IGSF10: variants seen among roughly 807,000 people sequenced by gnomAD.
IGSF10 encodes the protein calvaria mechanical force protein 608.
A neutral mutation model predicts 128.2 loss-of-function variants in IGSF10; 126 were observed. The observed-to-expected ratio is 0.98, with a 90% CI of 0.85 to 1.14. IGSF10 has a LOEUF of 1.14. Ranked by LOEUF, IGSF10 falls within the 50% of genes most tolerant of loss-of-function variation. IGSF10 has a pLI of 0.00. For missense variants in IGSF10, 3,295 were observed against 3,149.8 expected, an observed-to-expected ratio of 1.05 and a Z score of -1.10; for synonymous variants, 1,185 against 1,146.2, an observed-to-expected ratio of 1.03 and a Z score of -0.68.
the IGSF10 span, among the ~76,000 whole-genome samples, chr3:151,582,795 G>C: frequency 3.3e-5 from 5 of 152,098 alleles, no homozygotes; most frequent in South Asian, 2.1e-4. Context: ...GTGATAGTGA[G>C]CAACATTTTC....
chr3:151,570,374 C>T, the IGSF10 span, among the ~76,000 whole-genome samples: 5 of 152,210 alleles, frequency 3.3e-5, no homozygotes, highest in South Asian at 1.0e-3. Context: ...GTTCCTATTT[C>T]TCCACATCCC....
the IGSF10 span, among the ~76,000 whole-genome samples, chr3:151,563,539 G>C: frequency 4.6e-5 from 7 of 152,092 alleles, no homozygotes; most frequent in Non-Finnish European, 1.0e-4. Flanking sequence ...CAAGCCATCA[G>C]ATACTCAATT....
the IGSF10 span, among the ~76,000 whole-genome samples, chr3:151,583,310 C>T: frequency 6.6e-6 from 1 of 152,080 alleles, no homozygotes; most frequent in Non-Finnish European, 1.5e-5. Flanking sequence ...TTTCCTCTTT[C>T]CTAATATGTG....
At chr3:151,484,759 T>A in the IGSF10 span, among the ~76,000 whole-genome samples, 8 of 142,492 alleles carry the variant, frequency 5.6e-5, no homozygotes, top group South Asian at 1.5e-3. Context: ...AGAATCAACA[T>A]CAACAAAAAG....
At chr3:151,522,077 G>T in the IGSF10 span, among the ~76,000 whole-genome samples, 1 of 152,012 alleles carries the variant, frequency 6.6e-6, no homozygotes, top group Admixed American at 6.6e-5. Context: ...ACACCTTTAT[G>T]AACACAAACT....
chr3:151,618,621 T>G, the IGSF10 span, among the ~76,000 whole-genome samples: 2 of 151,534 alleles, frequency 1.3e-5, no homozygotes, highest in African/African-American at 4.8e-5. Context: ...TCCCAGCTAC[T>G]CAGGAGGCTG....
chr3:151,437,987 A>G lies in IGSF10; in HGVS notation c.6574T>C (p.Phe2192Leu), dbSNP rs1720518551. Residue 2192 changes from phenylalanine (F) to leucine (L), a missense_variant, in exon 8 of 8, where the codon TTT (phenylalanine) becomes CTT (leucine). Physicochemically the swap from Phe to Leu is conservative, Grantham distance 22. Transcript: ENST00000282466. ...MISFSIDRYTFHANGSLTINK... is the reference protein window; with the variant it reads ...MISFSIDRYTLHANGSLTINK... ...ATGGTCAAAGACCCATTGGCATGAA[A>G]TGTGTACCTATCAATGGAGAAGGAA... 1 of 1,614,080 alleles carries G rather than the reference A, an allele frequency of 6.2e-7. No individual in the cohort carries two copies. Among genetic ancestry groups the G allele is most frequent in the Admixed American group, 1.7e-5 (1 of 60,008 alleles).
the IGSF10 span, among the ~76,000 whole-genome samples, chr3:151,613,202 T>C: frequency 1.3e-5 from 2 of 152,328 alleles, no homozygotes; most frequent in African/African-American, 2.4e-5. Context: ...GAACATTCCA[T>C]GCTCATGGGT....
At chr3:151,576,656 A>T in the IGSF10 span, among the ~76,000 whole-genome samples, 1 of 152,164 alleles carries the variant, frequency 6.6e-6, no homozygotes, top group African/African-American at 2.4e-5. Flanking sequence ...CTATGAAAGC[A>T]CCTCTGGTCA....
At chr3:151,514,966 C>A in the IGSF10 span, among the ~76,000 whole-genome samples, 4 of 152,102 alleles carry the variant, frequency 2.6e-5, no homozygotes, top group Admixed American at 2.6e-4. Flanking sequence ...AGTCAGGAAA[C>A]AACAGGTGCT....
At chr3:151,564,768 C>G in the IGSF10 span, among the ~76,000 whole-genome samples, 5 of 152,160 alleles carry the variant, frequency 3.3e-5, no homozygotes, top group East Asian at 9.6e-4. Context: ...AGCATAATGA[C>G]ATGTGAGTTA....
the IGSF10 span, among the ~76,000 whole-genome samples, chr3:151,577,372 C>G: frequency 2.0e-5 from 3 of 152,126 alleles, no homozygotes; most frequent in Non-Finnish European, 2.9e-5. Flanking sequence ...ATCCAGTAGT[C>G]TACTAAGCTT....
the IGSF10 span, among the ~76,000 whole-genome samples, chr3:151,511,348 T>C: frequency 6.6e-6 from 1 of 152,172 alleles, no homozygotes; most frequent in Non-Finnish European, 1.5e-5. Context: ...ACCCAGAATT[T>C]CACATCCAGC....
chr3:151,516,478 C>G, the IGSF10 span, among the ~76,000 whole-genome samples: 649 of 152,170 alleles, frequency 4.3e-3, 2 homozygotes, highest in African/African-American at 0.015. Context: ...TGTGGATAAA[C>G]TTATGCCTTG....
At chr3:151,467,308 G>C in the IGSF10 span, among the ~76,000 whole-genome samples, 1 of 152,176 alleles carries the variant, frequency 6.6e-6, no homozygotes, top group African/African-American at 2.4e-5. Context: ...GATCAGCCAG[G>C]CCTGTCTGCT....
the IGSF10 span, among the ~76,000 whole-genome samples, chr3:151,487,400 G>T: frequency 6.6e-6 from 1 of 152,154 alleles, no homozygotes; most frequent in African/African-American, 2.4e-5. Flanking sequence ...TCTACCAGAA[G>T]TACAAAGAGG....
At chr3:151,574,536 C>T in the IGSF10 span, among the ~76,000 whole-genome samples, 1 of 152,212 alleles carries the variant, frequency 6.6e-6, no homozygotes, top group African/African-American at 2.4e-5. Context: ...GTATGCATCA[C>T]ATAGTTCTCA....
In IGSF10 at chr3:151,449,184, C is replaced by T. The variant is rs755359430; in HGVS notation, c.797G>A (p.Gly266Asp). ...PLCMNPRTSK[G>D]KPLAMVSAAA... is the part of the protein sequence containing the mutation. ...AGCTGAGACCATAGCTAACGGCTTGCCTTTAGAAGTCCTAGGGTTCATGCA... is the reference window on the plus strand; with the variant it reads ...AGCTGAGACCATAGCTAACGGCTTGTCTTTAGAAGTCCTAGGGTTCATGCA... The change falls in exon 6 of 8, where the codon GGC becomes GAC. Residue 266 changes from glycine (G) to aspartate (D), a missense_variant. Gly to Asp is a moderately conservative substitution (Grantham distance 94). Transcript: ENST00000282466. 9 of 1,614,114 alleles carry T rather than the reference C, an allele frequency of 5.6e-6. No homozygotes were observed. The highest frequency in any genetic ancestry group is 1.3e-5 in the African/African-American group (1 of 75,034).
chr3:151,445,460 T>C lies in IGSF10; in HGVS notation c.4521A>G (p.Glu1507=). 6.2e-7 allele frequency: 1 copy of C among 1,614,210 alleles called. No individual in the cohort carries two copies. The highest frequency in any genetic ancestry group is 8.5e-7 in the Non-Finnish European group (1 of 1,180,030). The change falls in exon 6 of 8, where the codon GAA becomes GAG. Residue 1507 remains glutamate, a synonymous_variant. Coordinates refer to ENST00000282466, the MANE Select transcript of IGSF10 (RefSeq NM_178822.5). ...GTGGTTTAGCATTGTGCCTTGAGGATTCGTGCAGCTTGACCACTGTATTTG... is the reference window on the plus strand; with the variant it reads ...GTGGTTTAGCATTGTGCCTTGAGGACTCGTGCAGCTTGACCACTGTATTTG... ...LMTNTVVKLH[E]SSRHNAKPQQ...
Sources: allele counts gnomAD v4.1 joint callset (sites outside exome capture counted in the v4.1 genomes callset), GRCh38; gene constraint gnomAD v4.1.1; transcripts MANE v1.5; gene names NCBI Gene and HGNC (gene_info 2026-07-23, HGNC 2026-07-21).